Variants in SREK1IP1 observed in about 807,000 individuals in gnomAD.
SREK1IP1 encodes the protein SREK1 interacting protein 1, also known as protein SREK1IP1.
In SREK1IP1, 12 loss-of-function variants were observed where a neutral mutation model predicts 22.8. The observed-to-expected ratio is 0.53, with a 90% CI of 0.34 to 0.85. The LOEUF is 0.85. Ranked by LOEUF, SREK1IP1 falls within the 40% of genes least tolerant of loss-of-function variation. SREK1IP1 has a pLI of 0.02. For missense variants in SREK1IP1, 147 were observed against 171.8 expected (o/e 0.86, Z 0.81); for synonymous variants, 53 against 52.7 (o/e 1.01, Z -0.02).
chr5:64,744,050 C>T (rs1223209948), intron 2 of SREK1IP1, among the ~76,000 whole-genome samples: 8 of 152,028 alleles, frequency 5.3e-5, no homozygotes, highest in South Asian at 2.1e-4. Flanking sequence ...TCTCAGGAAC[C>T]GGGCAAGTGG....
Position 64,719,795 on chromosome 5 carries a change from A to G in SREK1IP1, c.*4589T>C, listed in dbSNP as rs1742125799. The G allele has an allele frequency of 6.6e-6, 1 of 152,186 alleles. No individual in the cohort carries two copies. The highest frequency in any genetic ancestry group is 2.4e-5 in the African/African-American group (1 of 41,440). The allele number at this position is 152,186 out of a possible 1,614,324, so 9.4% of individuals were successfully genotyped here. On this transcript the variant is annotated 3_prime_UTR_variant, in exon 5 of 5. Transcript: ENST00000513458. ...AGGCACCCCAATTCTCTGCCACTCTACCTATTTTTAGAGGAGTTGGGAGGA... is the reference window on the plus strand; with the variant it reads ...AGGCACCCCAATTCTCTGCCACTCTGCCTATTTTTAGAGGAGTTGGGAGGA...
At chr5:64,737,184 G>A (rs572172144) in intron 3 of SREK1IP1, among the ~76,000 whole-genome samples, 7 of 152,014 alleles carry the variant, frequency 4.6e-5, no homozygotes, top group East Asian at 1.9e-4. Context: ...GAGCATGTTA[G>A]GTGACAAAAT....
intron 1 of SREK1IP1, among the ~76,000 whole-genome samples, chr5:64,755,321 T>C (rs1742820093): frequency 6.6e-6 from 1 of 151,944 alleles, no homozygotes; most frequent in South Asian, 2.1e-4. Context: ...GAGGTGCCCA[T>C]CAATGGTGGA....
chr5:64,759,869 T>C (rs1742915959), intron 1 of SREK1IP1, among the ~76,000 whole-genome samples: 1 of 152,126 alleles, frequency 6.6e-6, no homozygotes, highest in South Asian at 2.1e-4. Context: ...CATACTCTCA[T>C]ACATTGCTGG....
intron 3 of SREK1IP1, among the ~76,000 whole-genome samples, chr5:64,735,882 TTC>T (rs1231602818): frequency 3.9e-5 from 6 of 152,180 alleles, no homozygotes; most frequent in African/African-American, 1.2e-4. Context: ...ATCTTTATTA[TTC>T]TCTTTCTTCT....
At chr5:64,747,284 C>T (rs1742654220) in intron 2 of SREK1IP1, among the ~76,000 whole-genome samples, 1 of 152,160 alleles carries the variant, frequency 6.6e-6, no homozygotes, top group African/African-American at 2.4e-5. Context: ...GCTGAAAGCT[C>T]CAACTTTCTA....
Position 64,741,195 on chromosome 5 carries a change from G to T in SREK1IP1, c.67C>A (p.His23Asn). ...AAATTGCGGCATTCAAAAGTCAGGT[G>T]ACCAGCTAAGTGAAACAAACAAAAA... ...AGCKKCGYPG[H>N]LTFECRNFLR... Residue 23 changes from histidine to asparagine, a missense_variant, in exon 3 of 5, where the codon CAC becomes AAC. Around this residue, in one of 3 missense-constraint regions of SREK1IP1, gnomAD observed 62 missense variants for 73.3 expected, o/e 0.85. Coordinates refer to ENST00000513458, the MANE Select transcript of SREK1IP1 (RefSeq NM_173829.4). The T allele has an allele frequency of 1.9e-6, 3 of 1,608,836 alleles. No homozygotes were observed. The highest frequency in any genetic ancestry group is 2.7e-5 in the African/African-American group (2 of 74,748).
At chr5:64,749,019 T>C (rs1214989670) in intron 2 of SREK1IP1, among the ~76,000 whole-genome samples, 2 of 150,384 alleles carry the variant, frequency 1.3e-5, no homozygotes, top group Non-Finnish European at 3.0e-5. Flanking sequence ...CAAGGACAAG[T>C]ATATTCTCCC....
At chr5:64,752,936 T>C (rs1443064553) in intron 2 of SREK1IP1, among the ~76,000 whole-genome samples, 1 of 152,180 alleles carries the variant, frequency 6.6e-6, no homozygotes, top group East Asian at 1.9e-4. Flanking sequence ...AGAAATTGTT[T>C]AACAACTAAA....
At chr5:64,759,787 A>C (rs965457321) in intron 1 of SREK1IP1, among the ~76,000 whole-genome samples, 4 of 152,204 alleles carry the variant, frequency 2.6e-5, no homozygotes, top group African/African-American at 9.7e-5. Flanking sequence ...TGTACACTAA[A>C]AACTATACTG....
At chr5:64,755,721 T>C (rs1408311481) in intron 1 of SREK1IP1, among the ~76,000 whole-genome samples, 1 of 145,392 alleles carries the variant, frequency 6.9e-6, no homozygotes, top group South Asian at 2.2e-4. Context: ...TAAAAGAAAG[T>C]AAAAAAAAAA....
chr5:64,738,642 CCA>C (rs1210205278), intron 3 of SREK1IP1, among the ~76,000 whole-genome samples: 1 of 151,930 alleles, frequency 6.6e-6, no homozygotes, highest in African/African-American at 2.4e-5. Context: ...GACACATAGA[CCA>C]ATGTAACAGA....
chr5:64,755,582 A>C (rs187023800), intron 1 of SREK1IP1, among the ~76,000 whole-genome samples: 156 of 152,254 alleles, frequency 1.0e-3, no homozygotes, highest in African/African-American at 3.6e-3. Flanking sequence ...ACAAGGGTTG[A>C]AAAACTGTTG....
At chr5:64,733,549 C>T (rs1345291887) in intron 3 of SREK1IP1, among the ~76,000 whole-genome samples, 6 of 152,098 alleles carry the variant, frequency 3.9e-5, no homozygotes, top group Admixed American at 1.3e-4. Flanking sequence ...GTCACTCACA[C>T]GCTTCTCGTA....
In SREK1IP1 at chr5:64,719,704, C is replaced by CA. The variant is rs758274076; in HGVS notation, c.*4679dup. On this transcript the variant is annotated 3_prime_UTR_variant, in exon 5 of 5. Transcript: ENST00000513458. ...AAATGCTCACTGCCCCAACTCCTCC[C>CA]AATTTGTGGGAAAGGCATAGTGGGG... 6.6e-6 allele frequency: 1 copy of CA among 152,270 alleles called. No homozygotes were observed. The allele number at this position is 152,270 out of a possible 1,614,324, so 9.4% of individuals were successfully genotyped here. A position where few individuals can be genotyped will look rare whatever the true frequency, so the allele number is the denominator to read the frequency against.
intron 1 of SREK1IP1, among the ~76,000 whole-genome samples, chr5:64,763,739 G>A (rs10075409): frequency 0.33 from 49,626 of 151,950 alleles, 8,456 homozygotes; most frequent in East Asian, 0.51. Flanking sequence ...CTTTGAACTC[G>A]ATGTTAGAGA....
intron 1 of SREK1IP1, among the ~76,000 whole-genome samples, chr5:64,767,295 G>C (rs920679416): frequency 1.1e-4 from 16 of 152,150 alleles, no homozygotes; most frequent in Admixed American, 3.3e-4. Context: ...CTAAGGTCTT[G>C]TATTTTCCTT....
At chr5:64,737,236 T>C (rs543430781) in intron 3 of SREK1IP1, among the ~76,000 whole-genome samples, 2 of 152,120 alleles carry the variant, frequency 1.3e-5, no homozygotes, top group South Asian at 2.1e-4. Context: ...ATATTGAGTA[T>C]CTTTTCTGAC....
rs1230833935 is a variant in SREK1IP1 at position 64,723,618 on chromosome 5, T to C, written c.*766A>G. 6.6e-6 allele frequency: 1 copy of C among 152,628 alleles called. No individual in the cohort carries two copies. The highest frequency in any genetic ancestry group is 6.5e-5 in the Admixed American group (1 of 15,276). The allele number at this position is 152,628 out of a possible 1,614,324, so 9.5% of individuals were successfully genotyped here. On this transcript the variant is annotated 3_prime_UTR_variant, in exon 5 of 5. Coordinates refer to ENST00000513458, the MANE Select transcript of SREK1IP1 (RefSeq NM_173829.4). ...ACATTTGTAAAACAACCCAGGAGTC[T>C]ATTCTAAAAATCACAACCAACTCAG...
Sources: gnomAD v4.1 joint callset for allele counts (sites outside exome capture counted in the v4.1 genomes callset) on GRCh38, gnomAD v4.1.1 for gene constraint, gnomAD v4.1.1 regional missense constraint, MANE v1.5 for transcripts, NCBI Gene and HGNC (gene_info 2026-07-23, HGNC 2026-07-21) for gene names.